Variants in PDGFC observed in about 807,000 individuals in gnomAD.
PDGFC encodes platelet-derived growth factor C.
In PDGFC, 12 loss-of-function variants were observed where a neutral mutation model predicts 35.5. That is an observed-to-expected ratio of 0.34 (90% CI 0.22 to 0.55). The LOEUF (loss-of-function observed/expected upper bound fraction) is 0.55, where lower values mean the gene tolerates loss of function less well. Among genes scored for constraint, PDGFC ranks in the 20% least tolerant of loss-of-function variants. PDGFC has a pLI of 0.91. For missense variants in PDGFC, 322 were observed against 412.4 expected (o/e 0.78, Z 1.90); for synonymous variants, 159 against 148.8 (o/e 1.07, Z -0.50).
At chr4:156,939,138 T>A (rs527950649) in intron 1 of PDGFC, among the ~76,000 whole-genome samples, 1 of 152,178 alleles carries the variant, frequency 6.6e-6, no homozygotes, top group Non-Finnish European at 1.5e-5. Context: ...TATTATTAAT[T>A]AACTAAAGAA....
At chr4:156,933,235 T>A (rs976575375) in intron 1 of PDGFC, among the ~76,000 whole-genome samples, 7 of 152,248 alleles carry the variant, frequency 4.6e-5, no homozygotes, top group Non-Finnish European at 8.8e-5. Context: ...ATGCTGCTTA[T>A]ATATTTAATA....
intron 2 of PDGFC, among the ~76,000 whole-genome samples, chr4:156,834,452 A>G (rs1729015344): frequency 6.6e-6 from 1 of 152,204 alleles, no homozygotes; most frequent in South Asian, 2.1e-4. Context: ...GAAGCAATAA[A>G]TTATGACTGG....
chr4:156,911,636 T>G (rs1488894366), intron 1 of PDGFC, among the ~76,000 whole-genome samples: 1 of 152,106 alleles, frequency 6.6e-6, no homozygotes, highest in Non-Finnish European at 1.5e-5. Context: ...ATTTCATACA[T>G]GAAAATTCTG....
At chr4:156,873,804 G>T (rs1730043841) in intron 1 of PDGFC, 1 of 152,294 alleles carries the variant, frequency 6.6e-6, no homozygotes, top group African/African-American at 2.4e-5. Flanking sequence ...AGCATTTGCT[G>T]GAAGAATTGA....
chr4:156,825,551 A>AAT (rs1732422541), intron 2 of PDGFC, among the ~76,000 whole-genome samples: 1 of 93,938 alleles, frequency 1.1e-5, no homozygotes, highest in African/African-American at 4.8e-5. Context: ...CCCTGTCTCC[A>AAT]AATAATAATA....
intron 3 of PDGFC, among the ~76,000 whole-genome samples, chr4:156,800,556 G>C (rs1731574020): frequency 6.6e-6 from 1 of 152,150 alleles, no homozygotes; most frequent in African/African-American, 2.4e-5. Flanking sequence ...GCAAATTGTT[G>C]ATTATTTATG....
At chr4:156,780,467 C>T (rs1339437661) in intron 3 of PDGFC, among the ~76,000 whole-genome samples, 1 of 152,152 alleles carries the variant, frequency 6.6e-6, no homozygotes, top group Non-Finnish European at 1.5e-5. Context: ...CAATGTATCA[C>T]TCAACCACCA....
At chr4:156,929,008 A>G (rs1297917660) in intron 1 of PDGFC, among the ~76,000 whole-genome samples, 1 of 152,240 alleles carries the variant, frequency 6.6e-6, no homozygotes, top group East Asian at 1.9e-4. Context: ...TCTTCCAAAT[A>G]GAAGGAATAC....
At chr4:156,897,768 C>T (rs1173061000) in intron 1 of PDGFC, among the ~76,000 whole-genome samples, 1 of 152,100 alleles carries the variant, frequency 6.6e-6, no homozygotes, top group Non-Finnish European at 1.5e-5. Context: ...ACGGAAGATA[C>T]TCGCTAATGA....
intron 2 of PDGFC, among the ~76,000 whole-genome samples, chr4:156,832,317 C>T (rs1393483470): frequency 1.4e-5 from 2 of 144,316 alleles, no homozygotes; most frequent in South Asian, 4.3e-4. Flanking sequence ...AGTGCAATGG[C>T]ACGATCTCGG....
chr4:156,774,371 C>A (rs1195540228), intron 3 of PDGFC: 2 of 152,408 alleles, frequency 1.3e-5, no homozygotes, highest in Non-Finnish European at 2.9e-5. Flanking sequence ...TAAATCTTTA[C>A]CATTACAATG....
intron 2 of PDGFC, among the ~76,000 whole-genome samples, chr4:156,846,957 A>G (rs1032280668): frequency 6.6e-6 from 1 of 151,862 alleles, no homozygotes; most frequent in Admixed American, 6.6e-5. Context: ...CTGCAGACAG[A>G]ACAATTTCAG....
In PDGFC at chr4:156,772,602, C is replaced by A. The variant is rs921680190; in HGVS notation, c.703+84G>T. 6.2e-6 allele frequency: 5 copies of A among 803,242 alleles called. No individual in the cohort carries two copies. In the African/African-American group the frequency reaches 6.9e-5, roughly 11 times the overall value. 49.8% of individuals were successfully genotyped at this position (803,242 alleles called of 1,614,324 possible). On this transcript the variant is annotated intron_variant, in intron 4 of 5. Transcript: ENST00000502773. ...TATCACTGATGAATTTTAAACTCTA[C>A]CCTTTAGAAGCTGTGGCAGAAGAAT...
At chr4:156,861,175 G>T (rs1247860535) in intron 1 of PDGFC, among the ~76,000 whole-genome samples, 1 of 152,058 alleles carries the variant, frequency 6.6e-6, no homozygotes, top group Non-Finnish European at 1.5e-5. Flanking sequence ...AGTGAAAACA[G>T]TAAGAGGGCA....
intron 3 of PDGFC, among the ~76,000 whole-genome samples, chr4:156,778,585 C>T (rs1283971062): frequency 6.6e-6 from 1 of 152,010 alleles, no homozygotes; most frequent in Non-Finnish European, 1.5e-5. Flanking sequence ...CATCTTTCCC[C>T]TTTTTTAGAA....
At chr4:156,786,839 T>C (rs1731140991) in intron 3 of PDGFC, among the ~76,000 whole-genome samples, 1 of 152,196 alleles carries the variant, frequency 6.6e-6, no homozygotes, top group East Asian at 1.9e-4. Context: ...TGGGAGCTAT[T>C]GGAGAGTTTC....
chr4:156,833,006 T>C (rs1414471829), intron 2 of PDGFC, among the ~76,000 whole-genome samples: 1 of 152,200 alleles, frequency 6.6e-6, no homozygotes, highest in African/African-American at 2.4e-5. Flanking sequence ...CACTGTTTAA[T>C]GTACTGTTGA....
chr4:156,930,426 C>T (rs979999844), intron 1 of PDGFC, among the ~76,000 whole-genome samples: 2 of 152,030 alleles, frequency 1.3e-5, no homozygotes, highest in Admixed American at 6.6e-5. Flanking sequence ...CATTTTTTGG[C>T]GGGGACCAAT....
rs955473423 is a variant in PDGFC at position 156,971,669 on chromosome 4, C to G, written c.-766G>C. Among the ~76,000 whole-genome samples the G allele has an allele frequency of 4.0e-5, 6 of 151,878 alleles. No individual in the cohort carries two copies. Among genetic ancestry groups the G allele is most frequent in the Admixed American group, 2.0e-4 (3 of 15,254 alleles). On this transcript the variant is annotated 5_prime_UTR_variant, in exon 1 of 6. Transcript: ENST00000502773. Reference sequence around the variant, plus strand: ...GTTCACCTTGTTCGGGCTCGTCCCCCGCTCCTCAAAGCCTGGGGCAATTCG... The same window carrying G: ...GTTCACCTTGTTCGGGCTCGTCCCCGGCTCCTCAAAGCCTGGGGCAATTCG...
Sources: allele counts gnomAD v4.1 joint callset (sites outside exome capture counted in the v4.1 genomes callset), GRCh38; gene constraint gnomAD v4.1.1; transcripts MANE v1.5; gene names NCBI Gene and HGNC (gene_info 2026-07-23, HGNC 2026-07-21).